ADGRL4: variants seen among roughly 807,000 people sequenced by gnomAD.
ADGRL4 encodes adhesion G protein-coupled receptor L4.
ADGRL4 carries 90 observed loss-of-function variants against 74.8 expected under a neutral mutation model. The ratio of observed to expected loss-of-function variants is 1.20; its 90% CI spans 1.02 to 1.43. The LOEUF is 1.43. ADGRL4 is among the 40% of genes most tolerant of loss of function. The pLI, the probability that ADGRL4 is intolerant of heterozygous loss-of-function variation, is 0.00. For synonymous variants in ADGRL4, 311 were observed against 279.2 expected (o/e 1.11, Z -1.14); for missense variants, 881 against 814.3 (o/e 1.08, Z -1.00).
chr1:78,942,095 G>T (rs1570244296), intron 3 of ADGRL4, among the ~76,000 whole-genome samples: 2 of 149,018 alleles, frequency 1.3e-5, no homozygotes, highest in Admixed American at 6.8e-5. Flanking sequence ...TGCTGCTCGG[G>T]AGGCTGAGGC....
At position 78,924,756 on chromosome 1, in the gene ADGRL4, G is replaced by T. The variant is rs563910232; in HGVS notation, c.1083+2130C>A. Among the ~76,000 whole-genome samples the T allele has an allele frequency of 3.3e-5, 5 of 152,192 alleles. No individual in the cohort carries two copies. In the East Asian group the frequency reaches 9.7e-4, roughly 29 times the overall value. ...AATGATTGAGCTCCATGATTCAGTTGTGAATAACACACCAATTTATAGTAT... is the reference window on the plus strand; with the variant it reads ...AATGATTGAGCTCCATGATTCAGTTTTGAATAACACACCAATTTATAGTAT... On this transcript the variant is annotated intron_variant, in intron 8 of 14. Transcript: ENST00000370742.
chr1:78,976,801 A>T (rs933313967), intron 2 of ADGRL4, among the ~76,000 whole-genome samples: 2 of 151,284 alleles, frequency 1.3e-5, no homozygotes, highest in African/African-American at 4.8e-5. Context: ...TCCAAGAAAA[A>T]AAAAAAACCT....
intron 2 of ADGRL4, among the ~76,000 whole-genome samples, chr1:78,995,190 G>T (rs1012646966): frequency 6.6e-6 from 1 of 152,106 alleles, no homozygotes; most frequent in African/African-American, 2.4e-5. Context: ...TTCTACTTAC[G>T]TTTAATGGTT....
chr1:78,983,952 C>G (rs1650445542), intron 2 of ADGRL4, among the ~76,000 whole-genome samples: 1 of 151,668 alleles, frequency 6.6e-6, no homozygotes. Context: ...GATAAACAAA[C>G]ACAAAATTTA....
rs1213779753 is a variant in ADGRL4 at position 78,936,427 on chromosome 1, G to A, written c.761-16C>T. On this transcript the variant is annotated splice_polypyrimidine_tract_variant and intron_variant, in intron 6 of 14. Coordinates refer to ENST00000370742, the MANE Select transcript of ADGRL4 (RefSeq NM_022159.4). ...ACTTTGAGAGCTGAAACAAAACCAT[G>A]AAAATAAAAAAAGTGAAATTACTTT... The A allele has an allele frequency of 1.3e-6, 2 of 1,547,860 alleles. No individual in the cohort carries two copies. The highest frequency in any genetic ancestry group is 2.3e-5 in the East Asian group (1 of 43,090).
intron 2 of ADGRL4, among the ~76,000 whole-genome samples, chr1:78,955,744 AG>A (rs1399156035): frequency 6.6e-6 from 1 of 152,012 alleles, no homozygotes; most frequent in Admixed American, 6.6e-5. Flanking sequence ...TACTTAGAAC[AG>A]TTTCTGAAGT....
chr1:78,910,588 A>G (rs1648740519), intron 12 of ADGRL4, among the ~76,000 whole-genome samples: 1 of 151,852 alleles, frequency 6.6e-6, no homozygotes, highest in South Asian at 2.1e-4. Flanking sequence ...TAAAAGTTAA[A>G]TTATTTTTAT....
intron 2 of ADGRL4, among the ~76,000 whole-genome samples, chr1:78,965,051 C>T (rs6661036): frequency 0.16 from 23,878 of 151,830 alleles, 2,061 homozygotes; most frequent in Middle Eastern, 0.21. Context: ...GCTAAAATAT[C>T]CTTGGATTTT....
chr1:78,985,828 G>T (rs776535643), intron 2 of ADGRL4, among the ~76,000 whole-genome samples: 3 of 151,748 alleles, frequency 2.0e-5, no homozygotes, highest in Non-Finnish European at 4.4e-5. Flanking sequence ...TACACACTAT[G>T]GAATACTATG....
intron 12 of ADGRL4, among the ~76,000 whole-genome samples, chr1:78,909,049 C>T (rs187006870): frequency 2.6e-5 from 4 of 151,940 alleles, no homozygotes; most frequent in Middle Eastern, 3.4e-3. Flanking sequence ...AAAAATGTTA[C>T]AGGCACTGAA....
intron 8 of ADGRL4, among the ~76,000 whole-genome samples, chr1:78,925,383 G>C (rs888953085): frequency 2.0e-5 from 3 of 151,912 alleles, no homozygotes; most frequent in African/African-American, 4.8e-5. Flanking sequence ...ATACTGCCTG[G>C]TTTCTAACAT....
chr1:78,954,729 T>A (rs1318715236), intron 2 of ADGRL4, among the ~76,000 whole-genome samples: 1 of 152,134 alleles, frequency 6.6e-6, no homozygotes, highest in African/African-American at 2.4e-5. Flanking sequence ...AAAGTTCAGT[T>A]TATTAAAAAA....
chr1:78,949,095 G>A (rs866686909), intron 2 of ADGRL4, among the ~76,000 whole-genome samples: 1 of 152,150 alleles, frequency 6.6e-6, no homozygotes, highest in African/African-American at 2.4e-5. Context: ...TAATATAGAG[G>A]ACGATGAGGA....
intron 1 of ADGRL4, among the ~76,000 whole-genome samples, chr1:79,005,893 T>C (rs565315440): frequency 7.4e-4 from 113 of 152,170 alleles, no homozygotes; most frequent in African/African-American, 2.6e-3. Context: ...AGTCAAAGAT[T>C]GATCTTCCAG....
rs34217460 is a variant in ADGRL4, at chr1:78,966,916, T to TAA, written c.173-20492_173-20491dup. Among the ~76,000 whole-genome samples, 11 of 146,400 alleles carry TAA rather than the reference T, an allele frequency of 7.5e-5. No homozygotes were observed. The East Asian group carries it at 1.0e-3, about 13-fold the overall frequency. On this transcript the variant is annotated intron_variant, in intron 2 of 14. Transcript: ENST00000370742. ...AGACATTTTACTAGGCTAGGAATGA[T>TAA]AAAAAAAAAATCCCTGTTTATATTC...
intron 7 of ADGRL4, among the ~76,000 whole-genome samples, chr1:78,929,356 A>G (rs895815094): frequency 2.0e-5 from 3 of 151,248 alleles, no homozygotes; most frequent in Non-Finnish European, 4.4e-5. Context: ...CTCTACAAAA[A>G]ATAGAATAAT....
At chr1:78,961,107 C>T (rs574179078) in intron 2 of ADGRL4, among the ~76,000 whole-genome samples, 11 of 149,902 alleles carry the variant, frequency 7.3e-5, no homozygotes, top group Non-Finnish European at 1.3e-4. Flanking sequence ...TTTTTTTATA[C>T]GGAGTCTTGC....
At chr1:78,994,570 C>T (rs1041269450) in intron 2 of ADGRL4, among the ~76,000 whole-genome samples, 4 of 152,120 alleles carry the variant, frequency 2.6e-5, no homozygotes, top group Admixed American at 6.5e-5. Flanking sequence ...CAGAGTCCAT[C>T]GTCAGTTTAA....
At chr1:78,906,365 G>A (rs1450661486) in intron 12 of ADGRL4, among the ~76,000 whole-genome samples, 1 of 151,798 alleles carries the variant, frequency 6.6e-6, no homozygotes, top group Non-Finnish European at 1.5e-5. Context: ...TTTTTTTAGT[G>A]TTTGAAGGAA....
Sources: allele counts gnomAD v4.1 joint callset (sites outside exome capture counted in the v4.1 genomes callset), GRCh38; gene constraint gnomAD v4.1.1; transcripts MANE v1.5; gene names NCBI Gene and HGNC (gene_info 2026-07-23, HGNC 2026-07-21).